The following CCDC38 variants were observed in gnomAD, a reference collection of about 807,000 sequenced individuals.
The protein encoded by CCDC38 is coiled-coil domain-containing protein 38.
Under a neutral mutation model 72.8 loss-of-function variants are expected in CCDC38, and 69 were observed. That is an observed-to-expected ratio of 0.95 (90% CI 0.78 to 1.16). The LOEUF is 1.16. Among genes scored for constraint, CCDC38 ranks in the 50% most tolerant of loss-of-function variants. The pLI, the probability that CCDC38 is intolerant of heterozygous loss-of-function variation, is 0.00. For synonymous variants in CCDC38, 201 were observed against 213.2 expected (o/e 0.94, Z 0.50); for missense variants, 626 against 638.9 (o/e 0.98, Z 0.22).
At chr12:95,876,936 A>G (rs367902184) in intron 13 of CCDC38, among the ~76,000 whole-genome samples, 20 of 152,192 alleles carry the variant, frequency 1.3e-4, no homozygotes, top group East Asian at 1.2e-3. Context: ...CAGTGCCCTT[A>G]TACAAAGGCT....
At chr12:95,934,126 C>T (rs1173716199) in intron 2 of CCDC38, 2 of 151,842 alleles carry the variant, frequency 1.3e-5, no homozygotes, top group Non-Finnish European at 2.9e-5. Context: ...AAAGTTAAAA[C>T]TAAAATGAAA....
intron 2 of CCDC38, among the ~76,000 whole-genome samples, chr12:95,928,227 T>C (rs929346411): frequency 6.6e-6 from 1 of 152,152 alleles, no homozygotes; most frequent in Non-Finnish European, 1.5e-5. Context: ...TCTTGGAGGC[T>C]TTGCTCGTTT....
rs147876040 is a variant in CCDC38 at position 95,921,446 on chromosome 12, T to C, written c.38-2470A>G. ...GAAGACCTCGGGAAACTTACAATCA[T>C]GGTAGAAGGCTAAGGGGAAGCAAGC... is the stretch of plus-strand genomic sequence containing the variant. On this transcript the variant is annotated intron_variant, in intron 2 of 15. Coordinates refer to ENST00000344280, the MANE Select transcript of CCDC38 (RefSeq NM_182496.3). Among the ~76,000 whole-genome samples the C allele has an allele frequency of 3.9e-4, 59 of 152,260 alleles. No individual in the cohort carries two copies. The East Asian group carries it at 0.011, about 27-fold the overall frequency.
At chr12:95,878,428 G>C (rs1279721091) in intron 12 of CCDC38, 82 bp from the exon 13 acceptor site, 3 of 1,357,718 alleles carry the variant, frequency 2.2e-6, no homozygotes, top group Non-Finnish European at 3.1e-6. Context: ...TAACACTCTA[G>C]ATCATGTGTC....
intron 1 of CCDC38, among the ~76,000 whole-genome samples, chr12:95,940,151 C>G (rs1376438532): frequency 6.6e-6 from 1 of 152,158 alleles, no homozygotes; most frequent in Non-Finnish European, 1.5e-5. Context: ...CCCACTCTGT[C>G]AACTGCCGCC....
intron 13 of CCDC38, 76 bp downstream of exon 13, chr12:95,878,135 A>G: frequency 6.6e-7 from 1 of 1,519,600 alleles, no homozygotes; most frequent in Non-Finnish European, 9.0e-7. Context: ...TCTCCTATTC[A>G]CATACTTAGG....
Position 95,918,288 on chromosome 12 carries a change from C to T in CCDC38, c.138+588G>A, listed in dbSNP as rs11108334. Among the ~76,000 whole-genome samples the T allele has an allele frequency of 8.0e-3, 1,219 of 152,214 alleles. 21 individuals carry two copies. The highest frequency in any genetic ancestry group is 0.028 in the African/African-American group (1,158 of 41,522). On this transcript the variant is annotated intron_variant, in intron 3 of 15. Coordinates refer to ENST00000344280, the MANE Select transcript of CCDC38 (RefSeq NM_182496.3). ...CAAAATTTGAAAACAACACCCCCTC[C>T]TCTACTTTCATCCCTTCTTCCTTCC...
At chr12:95,905,830 C>T (rs1387371829) in intron 5 of CCDC38, among the ~76,000 whole-genome samples, 2 of 152,094 alleles carry the variant, frequency 1.3e-5, no homozygotes, top group East Asian at 3.9e-4. Flanking sequence ...CAGTTATATG[C>T]CTGGCATCTA....
intron 5 of CCDC38, among the ~76,000 whole-genome samples, chr12:95,900,862 G>A (rs928456349): frequency 2.0e-5 from 3 of 152,146 alleles, no homozygotes; most frequent in Non-Finnish European, 4.4e-5. Context: ...TTGAGATTTT[G>A]ATCTTTCAGG....
chr12:95,897,822 C>T (rs2079906875), intron 7 of CCDC38, among the ~76,000 whole-genome samples: 1 of 152,004 alleles, frequency 6.6e-6, no homozygotes, highest in South Asian at 2.1e-4. Flanking sequence ...ACTTGAACTC[C>T]TGGGCTCAAG....
intron 1 of CCDC38, among the ~76,000 whole-genome samples, chr12:95,941,635 T>C (rs1565973808): frequency 6.6e-6 from 1 of 152,258 alleles, no homozygotes; most frequent in Admixed American, 6.5e-5. Context: ...TTGCAAAATG[T>C]AACTGATTAA....
rs145803036 is a variant in CCDC38 at position 95,906,820 on chromosome 12, A to G, written c.305-369T>C. Among the ~76,000 whole-genome samples, 622 of 104,476 alleles carry G rather than the reference A, an allele frequency of 6.0e-3. 5 individuals carry two copies. The highest frequency in any genetic ancestry group is 0.022 in the African/African-American group (587 of 26,176). The allele number at this position is 104,476 out of a possible 152,430, so 68.5% of individuals were successfully genotyped here. On this transcript the variant is annotated intron_variant, in intron 4 of 15. Transcript: ENST00000344280. ...TTTCTTTTTATTTATTTATTTATTT[A>G]TTTATTTATTTGTTTGTTTTTTATT...
intron 3 of CCDC38, among the ~76,000 whole-genome samples, chr12:95,918,182 T>G (rs951352481): frequency 3.9e-5 from 6 of 152,182 alleles, no homozygotes; most frequent in African/African-American, 1.4e-4. Context: ...GATGTAGGTG[T>G]GATGACCACA....
At chr12:95,900,486 TA>T (rs1279145884) in intron 5 of CCDC38, among the ~76,000 whole-genome samples, 1 of 152,304 alleles carries the variant, frequency 6.6e-6, no homozygotes, top group East Asian at 1.9e-4. Flanking sequence ...CAAAGACTTC[TA>T]AAAAAATTTC....
Position 95,891,239 on chromosome 12 carries a change from G to A in CCDC38, c.773-309C>T, listed in dbSNP as rs553614835. 3.9e-5 allele frequency among the ~76,000 whole-genome samples: 6 copies of A among 152,316 alleles called. No homozygotes were observed. In the East Asian group the frequency reaches 7.7e-4, roughly 20 times the overall value. ...TCTCCATTTTCAACATCCATCTGTC[G>A]TAACTCCTTAAATCCCAAATGTTAG... On this transcript the variant is annotated intron_variant, in intron 8 of 15. Transcript: ENST00000344280.
intron 8 of CCDC38, among the ~76,000 whole-genome samples, chr12:95,892,920 G>A (rs569731097): frequency 6.6e-6 from 1 of 152,190 alleles, no homozygotes; most frequent in South Asian, 2.1e-4. Context: ...CCGTTGAGCT[G>A]ACCCAATGCC....
At chr12:95,922,960 GC>G in intron 2 of CCDC38, among the ~76,000 whole-genome samples, 1 of 152,294 alleles carries the variant, frequency 6.6e-6, no homozygotes, top group Admixed American at 6.5e-5. Flanking sequence ...GGTGAGATTA[GC>G]ATTTGAATTG....
intron 4 of CCDC38, among the ~76,000 whole-genome samples, chr12:95,910,909 G>GC (rs1458968755): frequency 4.0e-5 from 6 of 151,808 alleles, no homozygotes; most frequent in African/African-American, 1.5e-4. Context: ...ATTACATGAA[G>GC]CCAAAATAGA....
chr12:95,869,340 C>G, intron 15 of CCDC38, 140 bp downstream of exon 15: 1 of 576,666 alleles, frequency 1.7e-6, no homozygotes, highest in Non-Finnish European at 3.0e-6. Flanking sequence ...TAACAAGGAA[C>G]CAGAGACCAA....
Sources: gnomAD v4.1 joint callset for allele counts (sites outside exome capture counted in the v4.1 genomes callset) on GRCh38, gnomAD v4.1.1 for gene constraint, MANE v1.5 for transcripts, NCBI Gene and HGNC (gene_info 2026-07-23, HGNC 2026-07-21) for gene names.